MICAL1: variants seen among roughly 807,000 people sequenced by gnomAD.
MICAL1 encodes the protein [F-actin]-monooxygenase MICAL1.
Under a neutral mutation model 131.8 loss-of-function variants are expected in MICAL1, and 95 were observed. That is an observed-to-expected ratio of 0.72 (90% CI 0.61 to 0.86). MICAL1 has a LOEUF of 0.86. MICAL1 is among the 40% of genes least tolerant of loss of function. The pLI is 0.00. For synonymous variants in MICAL1, 546 were observed against 554.2 expected, an observed-to-expected ratio of 0.99 and a Z score of 0.21; for missense variants, 1,292 against 1,380.6, an observed-to-expected ratio of 0.94 and a Z score of 1.02.
intron 12 of MICAL1, 144 bp from the exon 13 acceptor site, chr6:109,448,537 A>G: frequency 1.6e-6 from 2 of 1,249,156 alleles, no homozygotes; most frequent in Non-Finnish European, 1.1e-6. Context: ...TCTGCTACCC[A>G]GTGCCCAACC....
chr6:109,447,658 G>A (rs73762724), intron 15 of MICAL1, 23 bp downstream of exon 15: 43,802 of 1,613,600 alleles, frequency 0.027, 2,610 homozygotes, highest in African/African-American at 0.24. Context: ...GTAGGAGACC[G>A]ACCCGCCCCT....
At position 109,444,238 on chromosome 6, in the gene MICAL1, C is replaced by T; in HGVS notation, c.3157G>A (p.Glu1053Lys). Reference sequence around the variant, plus strand: ...AAGGCCAGCTCGCTGAGCCTGCGCTCCTCCTGGAAGCGGATGAGGGCATCT... The same window carrying T: ...AAGGCCAGCTCGCTGAGCCTGCGCTTCTCCTGGAAGCGGATGAGGGCATCT... ...QRDALIRFQE[E>K]RRLSELALGT... Residue 1053 changes from glutamate to lysine, a missense_variant, in exon 25 of 25, where the codon GAG (glutamate) becomes AAG (lysine). Physicochemically the swap from Glu to Lys is moderately conservative, Grantham distance 56. Coordinates refer to ENST00000358807, the MANE Select transcript of MICAL1 (RefSeq NM_022765.4). The T allele has an allele frequency of 1.2e-6, 2 of 1,613,638 alleles. No individual in the cohort carries two copies. The highest frequency in any genetic ancestry group is 1.7e-6 in the Non-Finnish European group (2 of 1,180,018).
intron 12 of MICAL1, 72 bp downstream of exon 12, chr6:109,448,660 C>G (rs1775361074): frequency 6.3e-6 from 10 of 1,584,196 alleles, no homozygotes; most frequent in Admixed American, 1.7e-5. Flanking sequence ...CACACTGTCT[C>G]TAGGATTCAA....
intron 8 of MICAL1, 106 bp from the exon 9 acceptor site, chr6:109,450,191 G>C (rs1159662398): frequency 6.4e-7 from 1 of 1,560,904 alleles, no homozygotes; most frequent in Non-Finnish European, 8.7e-7. Context: ...CCCCACACCA[G>C]GCAGCCCTTA....
chr6:109,452,421 AACAATGGCAGG>A lies in MICAL1; in HGVS notation c.677-31_677-21del. ...TGAAGCCTAGAGGTGGCGGTAGGTG[AACAATGGCAGG>A]AGGAGGGGGTTATAACAATCTAGAA... On this transcript the variant is annotated intron_variant, in intron 5 of 24. Coordinates refer to ENST00000358807, the MANE Select transcript of MICAL1 (RefSeq NM_022765.4). The A allele has an allele frequency of 6.2e-7, 1 of 1,612,776 alleles. No individual in the cohort carries two copies. Among genetic ancestry groups the A allele is most frequent in the Non-Finnish European group, 8.5e-7 (1 of 1,178,962 alleles).
At chr6:109,465,588 C>A in intron 1 of MICAL1, 1 of 1,464,968 alleles carries the variant, frequency 6.8e-7, no homozygotes, top group South Asian at 1.2e-5. Context: ...GAAAAACTAC[C>A]CGAGTCTTTA....
chr6:109,452,153 T>C lies in MICAL1; in HGVS notation c.832+93A>G, dbSNP rs927460456. On this transcript the variant is annotated intron_variant, in intron 6 of 24. Transcript: ENST00000358807. Reference sequence around the variant, plus strand: ...ACCAAAAAAACAGAAAAGTGTGGAGTTCCTTGCAGTGAGGACAAGTTTGGA... The same window carrying C: ...ACCAAAAAAACAGAAAAGTGTGGAGCTCCTTGCAGTGAGGACAAGTTTGGA... 11 of 1,510,552 alleles carry C rather than the reference T, an allele frequency of 7.3e-6. No homozygotes were observed. The Admixed American group carries it at 1.4e-4, about 19-fold the overall frequency. 93.6% of individuals were successfully genotyped at this position (1,510,552 alleles called of 1,614,324 possible).
At position 109,453,931 on chromosome 6, in the gene MICAL1, G is replaced by A. The variant is rs1269109247; in HGVS notation, c.258+8C>T. On this transcript the variant is annotated splice_region_variant and intron_variant, in intron 2 of 24. Coordinates refer to ENST00000358807, the MANE Select transcript of MICAL1 (RefSeq NM_022765.4). Reference sequence around the variant, plus strand: ...CTCCACACCCCATCCCAGGCACCGTGTATCCACCTTGGTGCTGGTGCAGGC... The same window carrying A: ...CTCCACACCCCATCCCAGGCACCGTATATCCACCTTGGTGCTGGTGCAGGC... 3 of 1,612,238 alleles carry A rather than the reference G, an allele frequency of 1.9e-6. No homozygotes were observed. The highest frequency in any genetic ancestry group is 1.7e-5 in the Admixed American group (1 of 60,006).
At position 109,448,993 on chromosome 6, in the gene MICAL1, C is replaced by T. The variant is rs1030138270; in HGVS notation, c.1517-114G>A. ...AGGGGAGGAGGAGTCAGGGACCCAC[C>T]TCTACTAGGGCACCAGCCTAAAGCT... On this transcript the variant is annotated intron_variant, in intron 11 of 24. Transcript: ENST00000358807. 7.9e-6 allele frequency: 11 copies of T among 1,400,814 alleles called. No individual in the cohort carries two copies. The African/African-American group carries it at 1.6e-4, about 20-fold the overall frequency. The allele number at this position is 1,400,814 out of a possible 1,614,324, so 86.8% of individuals were successfully genotyped here.
Position 109,449,441 on chromosome 6 carries a change from TG to T in MICAL1, c.1474del (p.Gln492ArgfsTer50), listed in dbSNP as rs1775413521. ...LYDVLAKEPV[Q>X]RNNDKTDTGM... is the part of the protein sequence containing the mutation. ...TGTATCTGTCTTGTCGTTGTTCCTC[TG>T]CACAGGCTCCTTGGCTAGCACATCA... On this transcript the variant is annotated frameshift_variant, in exon 11 of 25. Coordinates refer to ENST00000358807, the MANE Select transcript of MICAL1 (RefSeq NM_022765.4). LOFTEE classifies it high-confidence loss of function. 1 of 1,614,208 alleles carries T rather than the reference TG, an allele frequency of 6.2e-7. No homozygotes were observed. The highest frequency in any genetic ancestry group is 1.7e-5 in the Admixed American group (1 of 60,028).
In MICAL1 at chr6:109,465,663, C is replaced by T; in HGVS notation, c.14+1G>A. 6.3e-7 allele frequency: 1 copy of T among 1,575,570 alleles called. No homozygotes were observed. Among genetic ancestry groups the T allele is most frequent in the Non-Finnish European group, 8.6e-7 (1 of 1,166,852 alleles). ...TTGAAATGCTCAATACAAATCAGTA[C>T]CTTAGACAAGACATACACACATCTT... On this transcript the variant is annotated splice_donor_variant, in intron 1 of 24. Coordinates refer to the MICAL1 transcript ENST00000630715. LOFTEE classifies it high-confidence loss of function.
rs541395501 is a variant in MICAL1 at position 109,454,830 on chromosome 6, G to T, written c.-43-591C>A. ...TGACAGAGAAACAGCCTCTGTCCGC[G>T]TAGGTTCCACTTCCCTCCACCAAAC... On this transcript the variant is annotated intron_variant, in intron 1 of 24. Transcript: ENST00000358807. The T allele has an allele frequency of 2.0e-5, 3 of 152,886 alleles. No homozygotes were observed. The East Asian group carries it at 5.8e-4, about 30-fold the overall frequency. The allele number at this position is 152,886 out of a possible 1,614,324, so 9.5% of individuals were successfully genotyped here.
In MICAL1 at chr6:109,449,978, C is replaced by G. The variant is rs1421386010; in HGVS notation, c.1299G>C (p.Leu433Phe). 2.5e-6 allele frequency: 4 copies of G among 1,613,682 alleles called. No homozygotes were observed. Among genetic ancestry groups the G allele is most frequent in the Admixed American group, 1.7e-5 (1 of 59,980 alleles). Residue 433 changes from leucine (L) to phenylalanine (F), a missense_variant, in exon 9 of 25, where the codon TTG becomes TTC. By Grantham distance (22) the Leu-to-Phe change is conservative. Coordinates refer to ENST00000358807, the MANE Select transcript of MICAL1 (RefSeq NM_022765.4). ...CTCAACTCAGGTCTTACCGCTCAGC[C>G]AACACCTCTAGGGACTCAGCGCCCT... ...WAEGAESLEV[L>F]AERESLYQLL...
chr6:109,452,866 G>A (rs1320656224), intron 4 of MICAL1, among the ~76,000 whole-genome samples: 2 of 152,128 alleles, frequency 1.3e-5, no homozygotes, highest in African/African-American at 4.8e-5. Flanking sequence ...TATTAGAAAA[G>A]GAGACTCCTG....
At chr6:109,447,257 A>T in intron 16 of MICAL1, 28 bp from the exon 17 acceptor site, 1 of 1,613,980 alleles carries the variant, frequency 6.2e-7, no homozygotes, top group South Asian at 1.1e-5. Flanking sequence ...ACACAGGGTC[A>T]GGTGGAGCCA....
chr6:109,447,561 T>TG (rs893767246), intron 15 of MICAL1, 120 bp downstream of exon 15: 31 of 1,484,464 alleles, frequency 2.1e-5, no homozygotes, highest in East Asian at 1.4e-4. Context: ...GGAGGCTGGA[T>TG]GGGGGGGTTA....
intron 14 of MICAL1, 67 bp downstream of exon 14, chr6:109,447,808 G>C: frequency 1.9e-6 from 3 of 1,609,632 alleles, no homozygotes; most frequent in Non-Finnish European, 2.6e-6. Flanking sequence ...ATCACCCCAG[G>C]ATCTCCACTG....
chr6:109,465,475 G>T, intron 1 of MICAL1: 1 of 642,690 alleles, frequency 1.6e-6, no homozygotes, highest in South Asian at 2.1e-5. Context: ...GACTCCCTTT[G>T]TCCTAGAAAA....
chr6:109,446,463 G>A (rs1181732247), intron 18 of MICAL1, 51 bp from the exon 19 acceptor site: 11 of 733,854 alleles, frequency 1.5e-5, no homozygotes, highest in East Asian at 4.0e-5. Flanking sequence ...CCACCCCTTC[G>A]GAGCAAAGGT....
Sources: gnomAD v4.1 joint callset for allele counts (sites outside exome capture counted in the v4.1 genomes callset) on GRCh38, gnomAD v4.1.1 for gene constraint, MANE v1.5 for transcripts, NCBI Gene and HGNC (gene_info 2026-07-23, HGNC 2026-07-21) for gene names.